ACMSD: variants seen among roughly 807,000 people sequenced by gnomAD.
ACMSD encodes 2-amino-3-carboxymuconate-6-semialdehyde decarboxylase.
Under a neutral mutation model 45.9 loss-of-function variants are expected in ACMSD, and 37 were observed. The observed-to-expected ratio is 0.81, with a 90% confidence interval of 0.62 to 1.06. The LOEUF is 1.06. Among genes scored for constraint, ACMSD ranks in the 50% least tolerant of loss-of-function variants. The pLI, the probability that ACMSD is intolerant of heterozygous loss-of-function variation, is 0.00. For synonymous variants in ACMSD, 138 were observed against 148.8 expected (o/e 0.93, Z 0.53); for missense variants, 434 against 420.9 (o/e 1.03, Z -0.27).
Position 134,845,689 on chromosome 2 carries a change from G to C in ACMSD, c.102+412G>C, listed in dbSNP as rs533296076. On this transcript the variant is annotated intron_variant, in intron 2 of 9. Coordinates refer to ENST00000356140, the MANE Select transcript of ACMSD (RefSeq NM_138326.3). ...ATGGGACAGTTAGGTTTGAGCACAA[G>C]CTGGAAAAATTGAACACTGGAGACA... is the stretch of plus-strand genomic sequence containing the variant. 7.2e-5 allele frequency among the ~76,000 whole-genome samples: 11 copies of C among 152,118 alleles called. No individual in the cohort carries two copies. The East Asian group carries it at 1.9e-3, about 27-fold the overall frequency.
At chr2:134,848,704 G>C (rs1221848446) in intron 2 of ACMSD, among the ~76,000 whole-genome samples, 1 of 152,004 alleles carries the variant, frequency 6.6e-6, no homozygotes, top group African/African-American at 2.4e-5. Flanking sequence ...GATTGCAAAA[G>C]CTTCCTCCCA....
chr2:134,873,875 G>T lies in ACMSD; in HGVS notation c.849+1234G>T, dbSNP rs1452068863. Among the ~76,000 whole-genome samples, 3 of 152,152 alleles carry T rather than the reference G, an allele frequency of 2.0e-5. No individual in the cohort carries two copies. In the East Asian group the frequency reaches 5.8e-4, roughly 29 times the overall value. On this transcript the variant is annotated intron_variant, in intron 8 of 9. Coordinates refer to ENST00000356140, the MANE Select transcript of ACMSD (RefSeq NM_138326.3). ...CAGGGCAGAAACTGAAAGAGACTTT[G>T]TGGGCTCTGGACATTGAGCAATGGA...
At position 134,872,855 on chromosome 2, in the gene ACMSD, T is replaced by C. The variant is rs1688527839; in HGVS notation, c.849+214T>C. The C allele has an allele frequency of 7.5e-6, 4 of 533,738 alleles. No homozygotes were observed. In the Admixed American group the frequency reaches 1.2e-4, roughly 17 times the overall value. 33.1% of individuals were successfully genotyped at this position (533,738 alleles called of 1,614,324 possible). A position where few individuals can be genotyped will look rare whatever the true frequency, so the allele number is the denominator to read the frequency against. ...AGAGTACATAACACTAAGAAACTAT[T>C]ATATATGCCAGAGAAATCCCAGATC... On this transcript the variant is annotated intron_variant, in intron 8 of 9. Transcript: ENST00000356140.
At chr2:134,878,586 C>CA (rs1688876976) in intron 8 of ACMSD, among the ~76,000 whole-genome samples, 1 of 152,182 alleles carries the variant, frequency 6.6e-6, no homozygotes, top group Admixed American at 6.5e-5. Context: ...CTCAGCCTCC[C>CA]AAAGTGCTGG....
chr2:134,871,960 C>CTTT (rs35987999), intron 7 of ACMSD, among the ~76,000 whole-genome samples: 35 of 142,080 alleles, frequency 2.5e-4, no homozygotes, highest in African/African-American at 5.2e-4. Context: ...TGCCTTCACT[C>CTTT]TTTTTTTTTT....
In ACMSD at chr2:134,865,643, C is replaced by A. The variant is rs191186169; in HGVS notation, c.487-1936C>A. Among the ~76,000 whole-genome samples the A allele has an allele frequency of 9.2e-5, 14 of 152,208 alleles. No individual in the cohort carries two copies. The East Asian group carries it at 2.7e-3, about 29-fold the overall frequency. On this transcript the variant is annotated intron_variant, in intron 5 of 9. Transcript: ENST00000356140. ...GCCTGCCTCTCTGCTCTCTAGTTTG[C>A]GTCAATAATGTGCTGAAATGAATTA...
At chr2:134,856,906 T>G (rs1040829657) in intron 2 of ACMSD, among the ~76,000 whole-genome samples, 10 of 38,440 alleles carry the variant, frequency 2.6e-4, no homozygotes, top group Admixed American at 1.4e-3. Context: ...AAATGTATGG[T>G]TTTTTTTTCT....
At chr2:134,866,172 C>G (rs1227889314) in intron 5 of ACMSD, among the ~76,000 whole-genome samples, 1 of 152,096 alleles carries the variant, frequency 6.6e-6, no homozygotes, top group Non-Finnish European at 1.5e-5. Flanking sequence ...CTATTGGGTA[C>G]AATGGTTATT....
chr2:134,838,792 A>G (rs1367960188), intron 1 of ACMSD, 53 bp downstream of exon 1: 11 of 1,397,388 alleles, frequency 7.9e-6, no homozygotes, highest in Non-Finnish European at 1.1e-5. Context: ...AGGGTTTCTC[A>G]ATGCCTTTCT....
chr2:134,864,482 C>A (rs2104861156), intron 5 of ACMSD, among the ~76,000 whole-genome samples: 1 of 152,218 alleles, frequency 6.6e-6, no homozygotes, highest in Non-Finnish European at 1.5e-5. Context: ...ACCTGAAATT[C>A]TGTTACACAT....
intron 8 of ACMSD, among the ~76,000 whole-genome samples, chr2:134,888,123 T>C (rs1205075695): frequency 6.6e-6 from 1 of 152,152 alleles, no homozygotes; most frequent in East Asian, 1.9e-4. Context: ...AAAGCATATA[T>C]ATGACAAAGG....
intron 2 of ACMSD, among the ~76,000 whole-genome samples, chr2:134,854,702 G>A (rs1461056465): frequency 6.6e-6 from 1 of 152,210 alleles, no homozygotes; most frequent in Non-Finnish European, 1.5e-5. Context: ...AGCATATTTT[G>A]GATTCTACCT....
intron 6 of ACMSD, among the ~76,000 whole-genome samples, chr2:134,868,451 C>CTT (rs1170969126): frequency 0.035 from 4,297 of 124,156 alleles, 137 homozygotes; most frequent in Middle Eastern, 0.1. Flanking sequence ...ATATTTTTTT[C>CTT]TTTTTTTTTT....
intron 8 of ACMSD, among the ~76,000 whole-genome samples, chr2:134,893,680 T>C (rs1689925742): frequency 6.6e-6 from 1 of 152,070 alleles, no homozygotes; most frequent in Non-Finnish European, 1.5e-5. Flanking sequence ...AAGACAAATT[T>C]AAAGTACTAA....
At position 134,872,513 on chromosome 2, in the gene ACMSD, A is replaced by C. The variant is rs984201721; in HGVS notation, c.721A>C (p.Ser241Arg). The C allele has an allele frequency of 1.1e-5, 18 of 1,614,152 alleles. No individual in the cohort carries two copies. In the African/African-American group the frequency reaches 2.4e-4, roughly 22 times the overall value. The part of the protein sequence containing the change: ...FTVGRISHGF[S>R]MRPDLCAQDN... ...AGTGGGAAGAATCTCCCATGGATTCAGCATGCGCCCAGATCTGTGTGCCCA... is the reference window on the plus strand; with the variant it reads ...AGTGGGAAGAATCTCCCATGGATTCCGCATGCGCCCAGATCTGTGTGCCCA... Residue 241 changes from serine (S) to arginine (R), a missense_variant, in exon 8 of 10, where the codon AGC (serine) becomes CGC (arginine). Ser to Arg is a moderately radical substitution (Grantham distance 110, BLOSUM62 -1). Coordinates refer to ENST00000356140, the MANE Select transcript of ACMSD (RefSeq NM_138326.3).
Position 134,885,238 on chromosome 2 carries a change from A to G in ACMSD, c.849+12597A>G, listed in dbSNP as rs554047622. On this transcript the variant is annotated intron_variant, in intron 8 of 9. Coordinates refer to ENST00000356140, the MANE Select transcript of ACMSD (RefSeq NM_138326.3). The stretch of plus-strand genomic sequence containing the variant: ...ATATATTTATATATAATACATATGT[A>G]AATATATATTTATATATAATATATA... 1.2e-3 allele frequency among the ~76,000 whole-genome samples: 143 copies of G among 119,826 alleles called. 1 individual carries two copies. The highest frequency in any genetic ancestry group is 2.0e-3 in the Admixed American group (18 of 9,200). 78.6% of individuals were successfully genotyped at this position (119,826 alleles called of 152,430 possible). A position where few individuals can be genotyped will look rare whatever the true frequency, so the allele number is the denominator to read the frequency against.
chr2:134,886,240 A>ATTTTTT (rs1278225397), intron 8 of ACMSD, among the ~76,000 whole-genome samples: 1 of 125,478 alleles, frequency 8.0e-6, no homozygotes, highest in African/African-American at 3.5e-5. Context: ...ATTCATTATT[A>ATTTTTT]TTATTATTTT....
chr2:134,840,167 C>CAAAAAAAAA (rs1158518481), intron 1 of ACMSD, among the ~76,000 whole-genome samples: 660 of 23,394 alleles, frequency 0.028, 102 homozygotes, highest in East Asian at 0.061. Context: ...CTATACCTAG[C>CAAAAAAAAA]AAAAAAAAAA....
chr2:134,859,228 T>C lies in ACMSD; in HGVS notation c.103-33T>C, dbSNP rs776825019. 3.1e-5 allele frequency: 49 copies of C among 1,583,030 alleles called. No individual in the cohort carries two copies. In the Admixed American group the frequency reaches 6.5e-4, roughly 21 times the overall value. The stretch of plus-strand genomic sequence containing the variant: ...AAAGATTAGTCCAAGTGGTCTTAGG[T>C]TGCATTTTAGTAATGTGGGTTTTCT... On this transcript the variant is annotated intron_variant, in intron 2 of 9. Transcript: ENST00000356140.
Sources: gnomAD v4.1 joint callset for allele counts (sites outside exome capture counted in the v4.1 genomes callset) on GRCh38, gnomAD v4.1.1 for gene constraint, MANE v1.5 for transcripts, NCBI Gene and HGNC (gene_info 2026-07-23, HGNC 2026-07-21) for gene names.